Variants in ASB9 observed in about 807,000 individuals in gnomAD.
ASB9 encodes ankyrin repeat and SOCS box containing 9, also known as ankyrin repeat and SOCS box protein 9.
In ASB9, 5 loss-of-function variants were observed where a neutral mutation model predicts 16.6. The ratio of observed to expected loss-of-function variants is 0.30; its 90% CI spans 0.16 to 0.63. The LOEUF (loss-of-function observed/expected upper bound fraction) is 0.63. ASB9 is among the 30% of genes least tolerant of loss of function. The pLI, the probability that ASB9 is intolerant of heterozygous loss-of-function variation, is 0.82. For synonymous variants in ASB9, 100 were observed against 86.4 expected (o/e 1.16, Z -0.87); for missense variants, 216 against 229.4 (o/e 0.94, Z 0.38).
At position 15,252,228 on chromosome X, in the gene ASB9, G is replaced by GAA. The variant is rs201463304; in HGVS notation, c.433+24_433+25dup. 8.6e-6 allele frequency: 10 copies of GAA among 1,161,072 alleles called. No individual in the cohort carries two copies. In the African/African-American group the frequency reaches 1.8e-4, roughly 21 times the overall value. ...AAGATGTCCCTTGAAGGAGTGGGTAGAAAAAAAAATTCTCAACAGATTTAC... is the reference window on the plus strand; with the variant it reads ...AAGATGTCCCTTGAAGGAGTGGGTAGAAAAAAAAAAATTCTCAACAGATTTAC... On this transcript the variant is annotated intron_variant, in intron 4 of 6. Transcript: ENST00000380488.
Position 15,248,871 on chromosome X carries a change from A to C in ASB9, c.633T>G (p.Ser211Arg). ...SPLHAVARTASEELACLLMDF... is the reference protein window; with the variant it reads ...SPLHAVARTAREELACLLMDF... ...CCATGAGCAGGCAGGCCAGCTCTTC[A>C]CTGGCTGTCCTGGCCACTGCATGAA... The change falls in exon 6 of 7, where the codon AGT becomes AGG. Residue 211 changes from serine to arginine, a missense_variant. Ser to Arg is a moderately radical substitution (Grantham distance 110). Coordinates refer to ENST00000380488, the MANE Select transcript of ASB9 (RefSeq NM_001031739.3). 8.3e-7 allele frequency: 1 copy of C among 1,210,826 alleles called. No homozygotes were observed. The highest frequency in any genetic ancestry group is 1.1e-6 in the Non-Finnish European group (1 of 894,638).
At chrX:15,267,752 CAAAAAA>C (rs76177108) in intron 1 of ASB9, among the ~76,000 whole-genome samples, 2 of 83,632 alleles carry the variant, frequency 2.4e-5, no homozygotes, top group African/African-American at 8.8e-5. Flanking sequence ...TCAAAAAAAA[CAAAAAA>C]AAAAAAAAAA....
intron 2 of ASB9, among the ~76,000 whole-genome samples, chrX:15,257,396 C>T (rs946904082): frequency 1.1e-4 from 12 of 110,368 alleles, no homozygotes; most frequent in Admixed American, 1.1e-3. Flanking sequence ...AAGAGTGAAA[C>T]TCCATCTCAA....
chrX:15,250,207 A>ATCC (rs1266894414), intron 5 of ASB9, among the ~76,000 whole-genome samples: 66 of 108,637 alleles, frequency 6.1e-4, no homozygotes, highest in East Asian at 2.6e-3. Flanking sequence ...CATCATCATC[A>ATCC]TCCTCCTCCT....
At chrX:15,269,335 C>A (rs1330122866) in intron 1 of ASB9, among the ~76,000 whole-genome samples, 2 of 111,702 alleles carry the variant, frequency 1.8e-5, no homozygotes, top group African/African-American at 3.3e-5. Context: ...AAAACAAAGT[C>A]TCTTTTGTCT....
At chrX:15,254,690 T>G in intron 3 of ASB9, 47 bp downstream of exon 3, 2 of 1,006,425 alleles carry the variant, frequency 2.0e-6, no homozygotes, top group Non-Finnish European at 2.8e-6. Flanking sequence ...ATATACATAG[T>G]CATTTTTCAT....
chrX:15,267,425 T>TTAAAAAAC (rs377056337), intron 1 of ASB9, among the ~76,000 whole-genome samples: 1 of 87,675 alleles, frequency 1.1e-5, no homozygotes, highest in Admixed American at 1.3e-4. Context: ...AAAATATATA[T>TTAAAAAAC]ATATATATAA....
At chrX:15,253,699 A>T (rs1373930960) in intron 3 of ASB9, among the ~76,000 whole-genome samples, 1 of 112,554 alleles carries the variant, frequency 8.9e-6, no homozygotes, top group African/African-American at 3.2e-5. Flanking sequence ...GAAATCAGAC[A>T]GAAATTTCGA....
chrX:15,264,666 T>G (rs1301751719), intron 1 of ASB9, among the ~76,000 whole-genome samples: 3 of 111,775 alleles, frequency 2.7e-5, no homozygotes, highest in Non-Finnish European at 5.6e-5. Context: ...TGAGCTGAGT[T>G]TCTTGGCACA....
At chrX:15,248,112 G>A (rs766842907) in intron 6 of ASB9, among the ~76,000 whole-genome samples, 19 of 111,959 alleles carry the variant, frequency 1.7e-4, no homozygotes, top group Middle Eastern at 9.3e-3. Context: ...GCAAGAGGTG[G>A]CTCCCCAACT....
chrX:15,269,910 A>C lies in ASB9; in HGVS notation c.-36T>G, dbSNP rs1926846009. ...CCTAAGCGAGCAAGCTCTGCGCTCC[A>C]CTTCAGTTGCTCAGCAAAGTCCAAA... is the stretch of plus-strand genomic sequence containing the variant. On this transcript the variant is annotated 5_prime_UTR_variant, in exon 1 of 7. Transcript: ENST00000380488. 1 of 1,096,055 alleles carries C rather than the reference A, an allele frequency of 9.1e-7. No homozygotes were observed. The highest frequency in any genetic ancestry group is 2.5e-5 in the Admixed American group (1 of 39,469). The allele number at this position is 1,096,055 out of a possible 1,213,427, so 90.3% of individuals were successfully genotyped here. A position where few individuals can be genotyped will look rare whatever the true frequency, so the allele number is the denominator to read the frequency against.
chrX:15,259,457 C>G (rs1395824736), intron 1 of ASB9, among the ~76,000 whole-genome samples: 2 of 112,758 alleles, frequency 1.8e-5, no homozygotes, highest in East Asian at 2.8e-4. Context: ...AGATTATCTC[C>G]TGTCCTAATA....
chrX:15,252,400 T>C lies in ASB9; in HGVS notation c.287A>G (p.Asn96Ser), dbSNP rs772925882. The change falls in exon 4 of 7, where the codon AAT (asparagine) becomes AGT (serine). Residue 96 changes from asparagine to serine, a missense_variant. Asn to Ser is a conservative substitution (Grantham distance 46). Coordinates refer to ENST00000380488, the MANE Select transcript of ASB9 (RefSeq NM_001031739.3). ...AGTGTGCCAGTCTGCTGTCACACCA[T>C]TCACCTGGTAAAAGAAGCTCCAGAA... ...KILLKHGAQV[N>S]GVTADWHTPL... 3 of 1,196,116 alleles carry C rather than the reference T, an allele frequency of 2.5e-6. No homozygotes were observed. The highest frequency in any genetic ancestry group is 4.6e-5 in the Admixed American group (2 of 43,847).
chrX:15,254,854 G>T lies in ASB9; in HGVS notation c.175-10C>A. The stretch of plus-strand genomic sequence containing the variant: ...TGTTCACAGCCCACCCCTGAAGGAG[G>T]GGAAACAGTCAGAGTAAGGGGTGCA... On this transcript the variant is annotated splice_polypyrimidine_tract_variant and intron_variant, in intron 2 of 6. Transcript: ENST00000380488. 8.4e-7 allele frequency: 1 copy of T among 1,192,230 alleles called. No individual in the cohort carries two copies. The highest frequency in any genetic ancestry group is 1.1e-6 in the Non-Finnish European group (1 of 878,132).
chrX:15,268,079 C>T (rs995334933), intron 1 of ASB9, among the ~76,000 whole-genome samples: 2 of 111,599 alleles, frequency 1.8e-5, no homozygotes, highest in Non-Finnish European at 3.8e-5. Context: ...CACCTGTAAT[C>T]CCAGCACTTT....
At chrX:15,250,179 C>T (rs929597167) in intron 5 of ASB9, among the ~76,000 whole-genome samples, 1 of 104,307 alleles carries the variant, frequency 9.6e-6, no homozygotes, top group Non-Finnish European at 1.9e-5. Context: ...TGAGGACCAC[C>T]CTGAGAAGAG....
Position 15,252,300 on chromosome X carries a change from T to G in ASB9, c.387A>C (p.Gln129His). The G allele has an allele frequency of 8.3e-7, 1 of 1,211,267 alleles. No homozygotes were observed. The highest frequency in any genetic ancestry group is 1.8e-5 in the South Asian group (1 of 56,821). ...NLLLQHGASV[Q>H]PESDLASPIH... ...TGGGGGATGCCAGATCACTCTCAGG[T>G]TGAACGCTGGCTCCGTGCTGCAGAA... is the stretch of plus-strand genomic sequence containing the variant. Residue 129 changes from glutamine to histidine, a missense_variant, in exon 4 of 7, where the codon CAA (glutamine) becomes CAC (histidine). Gln to His is a conservative substitution (Grantham distance 24). Coordinates refer to ENST00000380488, the MANE Select transcript of ASB9 (RefSeq NM_001031739.3).
chrX:15,265,760 C>T (rs375346395), intron 1 of ASB9, among the ~76,000 whole-genome samples: 42 of 110,670 alleles, frequency 3.8e-4, no homozygotes, highest in African/African-American at 1.3e-3. Context: ...CCTCGGCCTC[C>T]TAAGTAGCTG....
At chrX:15,257,508 T>A (rs1402035961) in intron 2 of ASB9, among the ~76,000 whole-genome samples, 1 of 111,998 alleles carries the variant, frequency 8.9e-6, no homozygotes, top group African/African-American at 3.2e-5. Flanking sequence ...CAGCTATTCG[T>A]AACACAAAAA....
Sources: gnomAD v4.1 joint callset for allele counts (sites outside exome capture counted in the v4.1 genomes callset) on GRCh38, gnomAD v4.1.1 for gene constraint, MANE v1.5 for transcripts, NCBI Gene and HGNC (gene_info 2026-07-23, HGNC 2026-07-21) for gene names.